The following AP1G1 variants were observed in gnomAD, a reference collection of about 807,000 sequenced individuals.
AP1G1 encodes AP-1 complex subunit gamma-1.
A neutral mutation model predicts 108.3 loss-of-function variants in AP1G1; 7 were observed. The observed-to-expected ratio is 0.06, with a 90% CI of 0.04 to 0.12. The LOEUF (loss-of-function observed/expected upper bound fraction) is 0.12. AP1G1 is among the 10% of genes least tolerant of loss of function. The pLI is 1.00. For synonymous variants in AP1G1, 379 were observed against 353.5 expected (o/e 1.07, Z -0.81); for missense variants, 756 against 1,010.7 (o/e 0.75, Z 3.42).
At chr16:71,764,815 T>C (rs924735866) in intron 7 of AP1G1, 89 bp from the exon 8 acceptor site, 5 of 768,684 alleles carry the variant, frequency 6.5e-6, no homozygotes, top group Non-Finnish European at 1.1e-5. Context: ...CTAAATGAAG[T>C]CTTAGAAATT....
At chr16:71,742,511 AG>A (rs1215845905) in intron 19 of AP1G1, 1 of 152,220 alleles carries the variant, frequency 6.6e-6, no homozygotes, top group Non-Finnish European at 1.5e-5. Context: ...TGCACTGAAT[AG>A]GTCAATGGGC....
At chr16:71,753,641 C>CATAT (rs1268892705) in intron 13 of AP1G1, 192 bp downstream of exon 13, 1 of 605,506 alleles carries the variant, frequency 1.7e-6, no homozygotes, top group Non-Finnish European at 3.0e-6. Context: ...TGCCCTATAT[C>CATAT]CCACCTTATC....
At chr16:71,763,148 G>A (rs2145467053) in intron 9 of AP1G1, among the ~76,000 whole-genome samples, 1 of 152,292 alleles carries the variant, frequency 6.6e-6, no homozygotes, top group Middle Eastern at 3.4e-3. Context: ...ATTGCTTGAG[G>A]CCAGGAGTTC....
chr16:71,781,068 T>A (rs1469633436), intron 2 of AP1G1, among the ~76,000 whole-genome samples: 1 of 152,204 alleles, frequency 6.6e-6, no homozygotes, highest in African/African-American at 2.4e-5. Context: ...TCCTTCTGCC[T>A]TGGCCTCCCA....
chr16:71,796,299 A>C (rs542271310), intron 1 of AP1G1, among the ~76,000 whole-genome samples: 1 of 152,300 alleles, frequency 6.6e-6, no homozygotes, highest in South Asian at 2.1e-4. Context: ...TAGAGAGGCA[A>C]ACAGCATTGT....
At position 71,788,825 on chromosome 16, in the gene AP1G1, CTT is replaced by C. The variant is rs67092359; in HGVS notation, c.201+452_201+453del. 3.5e-3 allele frequency among the ~76,000 whole-genome samples: 503 copies of C among 145,298 alleles called. 1 individual carries two copies. The highest frequency in any genetic ancestry group is 3.4e-3 in the Middle Eastern group (1 of 292). ...TAAAGGCATGCTCTACCACACCATG[CTT>C]TTTTTTTTTTTTAAGAGCAGGGTCT... On this transcript the variant is annotated intron_variant, in intron 2 of 22. Transcript: ENST00000299980.
At chr16:71,783,069 C>T (rs190313399) in intron 2 of AP1G1, among the ~76,000 whole-genome samples, 54 of 152,118 alleles carry the variant, frequency 3.5e-4, no homozygotes, top group Non-Finnish European at 6.9e-4. Flanking sequence ...ATAGTACTAG[C>T]TTAAGTACTT....
intron 19 of AP1G1, 85 bp downstream of exon 19, chr16:71,745,059 C>G: frequency 6.8e-7 from 1 of 1,468,538 alleles, no homozygotes; most frequent in Non-Finnish European, 9.3e-7. Flanking sequence ...AAATGATTCA[C>G]GTGCTGGAAA....
intron 1 of AP1G1, among the ~76,000 whole-genome samples, chr16:71,801,109 C>T (rs1280303628): frequency 6.6e-6 from 1 of 152,120 alleles, no homozygotes; most frequent in Non-Finnish European, 1.5e-5. Context: ...GAGTTTGATA[C>T]CAGCCAGGCC....
chr16:71,752,812 G>A (rs1449061819), intron 13 of AP1G1, among the ~76,000 whole-genome samples: 2 of 152,022 alleles, frequency 1.3e-5, no homozygotes, highest in Non-Finnish European at 2.9e-5. Context: ...TAAAAAATAC[G>A]AAATGTGAAA....
chr16:71,754,133 G>C (rs2030646513), intron 12 of AP1G1, among the ~76,000 whole-genome samples: 1 of 152,022 alleles, frequency 6.6e-6, no homozygotes, highest in Non-Finnish European at 1.5e-5. Context: ...AGCTACTCTG[G>C]GAGGTTGAGG....
intron 1 of AP1G1, among the ~76,000 whole-genome samples, chr16:71,800,662 G>T (rs1318372554): frequency 6.6e-6 from 1 of 151,868 alleles, no homozygotes; most frequent in Non-Finnish European, 1.5e-5. Context: ...TTAGCCAGGC[G>T]TGGTGGTGGG....
In AP1G1 at chr16:71,735,655, CA is replaced by C. The variant is rs57116084; in HGVS notation, c.2269-949del. 8.6e-3 allele frequency among the ~76,000 whole-genome samples: 1,040 copies of C among 121,566 alleles called. 12 individuals carry two copies. The highest frequency in any genetic ancestry group is 0.026 in the African/African-American group (822 of 32,106). 79.8% of individuals were successfully genotyped at this position (121,566 alleles called of 152,430 possible). A position where few individuals can be genotyped will look rare whatever the true frequency, so the allele number is the denominator to read the frequency against. On this transcript the variant is annotated intron_variant, in intron 21 of 22. Coordinates refer to ENST00000299980, the MANE Select transcript of AP1G1 (RefSeq NM_001128.6). ...TGGGCAACAGAGCAAGACTCCGTCT[CA>C]AAAAAAAAAAAAAAGTGCTATATAG...
intron 1 of AP1G1, chr16:71,806,794 CTAATA>C: frequency 1.9e-6 from 2 of 1,029,620 alleles, no homozygotes; most frequent in Non-Finnish European, 1.3e-6. Flanking sequence ...CTAATAGTAA[CTAATA>C]TATTTTTGAA....
Position 71,738,939 on chromosome 16 carries a change from T to C in AP1G1, c.2268+3A>G, listed in dbSNP as rs1438081462. Reference sequence around the variant, plus strand: ...GAAACATCTAAAGAAGACATTGTAGTACCTTTGGTACTGCAGCTTGGAAAA... The same window carrying C: ...GAAACATCTAAAGAAGACATTGTAGCACCTTTGGTACTGCAGCTTGGAAAA... On this transcript the variant is annotated splice_donor_region_variant and intron_variant, in intron 21 of 22. Coordinates refer to ENST00000299980, the MANE Select transcript of AP1G1 (RefSeq NM_001128.6). The C allele has an allele frequency of 6.2e-7, 1 of 1,611,516 alleles. No individual in the cohort carries two copies. Among genetic ancestry groups the C allele is most frequent in the African/African-American group, 1.3e-5 (1 of 74,856 alleles).
chr16:71,808,102 C>A, intron 1 of AP1G1: 3 of 1,155,216 alleles, frequency 2.6e-6, no homozygotes, highest in Admixed American at 4.1e-5. Flanking sequence ...TTCAGGCAAT[C>A]AGGAAGACCG....
rs151248418 is a variant in AP1G1 at position 71,758,086 on chromosome 16, G to C, written c.1088+722C>G. Among the ~76,000 whole-genome samples, 15 of 152,234 alleles carry C rather than the reference G, an allele frequency of 9.9e-5. No homozygotes were observed. In the East Asian group the frequency reaches 2.7e-3, roughly 27 times the overall value. On this transcript the variant is annotated intron_variant, in intron 11 of 22. Transcript: ENST00000299980. ...CTCAAGCACTTAGCACCTTTTATTT[G>C]TACCTGTTCTGTGCAAATCAAAGGA...
intron 19 of AP1G1, among the ~76,000 whole-genome samples, chr16:71,744,058 C>T (rs961168527): frequency 1.3e-5 from 2 of 151,606 alleles, no homozygotes; most frequent in Non-Finnish European, 2.9e-5. Flanking sequence ...GCCTGACGAA[C>T]ATGGAGAAAC....
At position 71,745,364 on chromosome 16, in the gene AP1G1, G is replaced by C; in HGVS notation, c.1873-94C>G. The C allele has an allele frequency of 1.9e-6, 3 of 1,600,428 alleles. No individual in the cohort carries two copies. The East Asian group carries it at 6.7e-5, about 36-fold the overall frequency. ...CTTTCAATATGTAAAAATAAGGAAG[G>C]AAATCATCAACCAACCCAGGAACAT... On this transcript the variant is annotated intron_variant, in intron 18 of 22. Coordinates refer to ENST00000299980, the MANE Select transcript of AP1G1 (RefSeq NM_001128.6).
Sources: allele counts gnomAD v4.1 joint callset (sites outside exome capture counted in the v4.1 genomes callset), GRCh38; gene constraint gnomAD v4.1.1; transcripts MANE v1.5; gene names NCBI Gene and HGNC (gene_info 2026-07-23, HGNC 2026-07-21).